The following DLG2 variants were observed in gnomAD, a reference collection of about 807,000 sequenced individuals.
DLG2 encodes disks large homolog 2.
In DLG2, 45 loss-of-function variants were observed where a neutral mutation model predicts 132.5. The ratio of observed to expected loss-of-function variants is 0.34; its 90% CI spans 0.27 to 0.44. The LOEUF (loss-of-function observed/expected upper bound fraction) is 0.44, where lower values mean the gene tolerates loss of function less well. Among genes scored for constraint, DLG2 ranks in the 20% least tolerant of loss-of-function variants. DLG2 has a pLI of 1.00. For missense variants in DLG2, 1,045 were observed against 1,196.9 expected, an observed-to-expected ratio of 0.87 and a Z score of 1.87; for synonymous variants, 424 against 419.6, an observed-to-expected ratio of 1.01 and a Z score of -0.13.
chr11:83,747,566 C>T (rs942197548), intron 18 of DLG2, among the ~76,000 whole-genome samples: 11 of 152,092 alleles, frequency 7.2e-5, no homozygotes, highest in Non-Finnish European at 1.0e-4. Context: ...GATGGGGTTT[C>T]GCCATGTTGC....
At chr11:83,495,530 CT>C (rs1420420123) in intron 21 of DLG2, among the ~76,000 whole-genome samples, 5 of 152,048 alleles carry the variant, frequency 3.3e-5, no homozygotes, top group African/African-American at 7.2e-5. Context: ...CTCTATATAC[CT>C]GTTTTTACCC....
chr11:84,162,746 TG>T lies in DLG2; in HGVS notation c.624+714del, dbSNP rs570652611. On this transcript the variant is annotated intron_variant, in intron 9 of 27. Transcript: ENST00000376104. ...ACATTCCTTTTAAGTTTCTGTCAAT[TG>T]GACAGGCAAAACTTGTTTGCTCTCA... Among the ~76,000 whole-genome samples the T allele has an allele frequency of 7.0e-4, 106 of 152,310 alleles. No homozygotes were observed. In the South Asian group the frequency reaches 0.014, roughly 20 times the overall value.
chr11:84,985,857 T>C (rs1027168823), intron 6 of DLG2, among the ~76,000 whole-genome samples: 5 of 151,854 alleles, frequency 3.3e-5, no homozygotes, highest in Admixed American at 2.6e-4. Flanking sequence ...CAGGGCATGA[T>C]GGCGGGTGCC....
At chr11:83,708,155 T>C (rs1048636794) in intron 18 of DLG2, among the ~76,000 whole-genome samples, 5 of 152,246 alleles carry the variant, frequency 3.3e-5, no homozygotes, top group African/African-American at 1.2e-4. Context: ...GTTGGAAATT[T>C]ATTCTGTGTT....
At chr11:85,021,602 C>A in intron 6 of DLG2, 1 of 1,421,076 alleles carries the variant, frequency 7.0e-7, no homozygotes, top group Non-Finnish European at 1.0e-6. Context: ...CCAGTGAACA[C>A]ACGGGAGTTC....
At chr11:85,219,189 A>T (rs1281911809) in intron 4 of DLG2, among the ~76,000 whole-genome samples, 1 of 152,016 alleles carries the variant, frequency 6.6e-6, no homozygotes, top group Non-Finnish European at 1.5e-5. Flanking sequence ...ATCCACATGT[A>T]ACAAACCTGC....
At chr11:84,186,890 C>A (rs1204124855) in intron 8 of DLG2, among the ~76,000 whole-genome samples, 1 of 151,848 alleles carries the variant, frequency 6.6e-6, no homozygotes, top group Non-Finnish European at 1.5e-5. Context: ...CTAAAAATTA[C>A]CTGCTGGTAG....
Position 85,598,745 on chromosome 11 carries a change from T to A in DLG2, c.-49A>T. On this transcript the variant is annotated 5_prime_UTR_variant, in exon 3 of 28. Transcript: ENST00000376104. ...ACAGCTGCTCCTCTGGTTTCCTTAA[T>A]TTTTTGCAGTATTCTTCCAGTAATG... 1 of 1,518,076 alleles carries A rather than the reference T, an allele frequency of 6.6e-7. No homozygotes were observed. Among genetic ancestry groups the A allele is most frequent in the Non-Finnish European group, 8.9e-7 (1 of 1,122,218 alleles). The allele number at this position is 1,518,076 out of a possible 1,614,324, so 94.0% of individuals were successfully genotyped here. A position where few individuals can be genotyped will look rare whatever the true frequency, so the allele number is the denominator to read the frequency against.
chr11:83,628,725 C>T (rs571552839), intron 19 of DLG2, among the ~76,000 whole-genome samples: 41 of 152,214 alleles, frequency 2.7e-4, no homozygotes, highest in African/African-American at 8.4e-4. Flanking sequence ...TAAGGATCCT[C>T]GATATGTTTA....
chr11:84,389,262 A>G (rs931648324), intron 7 of DLG2, among the ~76,000 whole-genome samples: 1 of 152,086 alleles, frequency 6.6e-6, no homozygotes, highest in Non-Finnish European at 1.5e-5. Context: ...AGACTTGGGT[A>G]CTTTGCACAG....
chr11:85,574,414 G>C (rs1219470911), intron 3 of DLG2, among the ~76,000 whole-genome samples: 1 of 148,604 alleles, frequency 6.7e-6, no homozygotes, highest in Non-Finnish European at 1.5e-5. Context: ...CATACCTCTA[G>C]CTGCTCAGGC....
At chr11:84,392,737 C>G (rs1018401793) in intron 7 of DLG2, among the ~76,000 whole-genome samples, 2 of 152,110 alleles carry the variant, frequency 1.3e-5, no homozygotes, top group African/African-American at 4.8e-5. Flanking sequence ...GGTAAAACAT[C>G]TTGTCCAAGT....
At chr11:83,657,444 T>C (rs2072851144) in intron 18 of DLG2, among the ~76,000 whole-genome samples, 1 of 152,198 alleles carries the variant, frequency 6.6e-6, no homozygotes, top group Admixed American at 6.5e-5. Flanking sequence ...AGGTATCAGT[T>C]ATTTACTTAC....
chr11:84,671,249 C>T (rs1244486867), intron 6 of DLG2, among the ~76,000 whole-genome samples: 4 of 152,066 alleles, frequency 2.6e-5, no homozygotes, highest in Non-Finnish European at 4.4e-5. Context: ...TAGGTACATG[C>T]CACCATGCCC....
chr11:84,434,118 C>CAA (rs201807752), intron 7 of DLG2, among the ~76,000 whole-genome samples: 51 of 86,860 alleles, frequency 5.9e-4, no homozygotes, highest in African/African-American at 1.2e-3. Flanking sequence ...GACTCCATCT[C>CAA]AAAAAAAAAA....
chr11:84,537,270 C>G (rs1018931075), intron 6 of DLG2, among the ~76,000 whole-genome samples: 1 of 152,042 alleles, frequency 6.6e-6, no homozygotes, highest in Non-Finnish European at 1.5e-5. Context: ...CCACGCCTGG[C>G]TATTTTTTTT....
At chr11:84,166,201 G>C (rs1350810276) in intron 8 of DLG2, among the ~76,000 whole-genome samples, 1 of 151,978 alleles carries the variant, frequency 6.6e-6, no homozygotes, top group African/African-American at 2.4e-5. Context: ...CAGAACAAAA[G>C]AACTAAGAAT....
In DLG2 at chr11:84,423,709, C is replaced by T. The variant is rs894331899; in HGVS notation, c.519+110861G>A. On this transcript the variant is annotated intron_variant, in intron 7 of 27. Transcript: ENST00000376104. ...GATTGTTTAGATTATCTTTTAATTA[C>T]TCAAAGTTAGTGTCCAGTTTCTTTA... Among the ~76,000 whole-genome samples, 11 of 150,442 alleles carry T rather than the reference C, an allele frequency of 7.3e-5. 1 individual carries two copies. The highest frequency in any genetic ancestry group is 8.8e-5 in the Non-Finnish European group (6 of 67,928).
intron 6 of DLG2, among the ~76,000 whole-genome samples, chr11:84,611,949 T>A (rs1031613875): frequency 1.3e-5 from 2 of 152,196 alleles, no homozygotes; most frequent in African/African-American, 2.4e-5. Context: ...ACAACTATTT[T>A]GAAGTATAAT....
Sources: allele counts gnomAD v4.1 joint callset (sites outside exome capture counted in the v4.1 genomes callset), GRCh38; gene constraint gnomAD v4.1.1; transcripts MANE v1.5; gene names NCBI Gene and HGNC (gene_info 2026-07-23, HGNC 2026-07-21).